GRIK5: variants seen among roughly 807,000 people sequenced by gnomAD.
GRIK5 encodes glutamate receptor ionotropic, kainate 5.
In GRIK5, 43 loss-of-function variants were observed where a neutral mutation model predicts 97.4. The ratio of observed to expected loss-of-function variants is 0.44; its 90% CI spans 0.35 to 0.57. GRIK5 has a LOEUF of 0.57. Ranked by LOEUF, GRIK5 falls within the 20% of genes least tolerant of loss-of-function variation. GRIK5 has a pLI of 0.01. For missense variants in GRIK5, 1,015 were observed against 1,382.0 expected (o/e 0.73, Z 4.21); for synonymous variants, 580 against 583.5 (o/e 0.99, Z 0.09).
intron 1 of GRIK5, among the ~76,000 whole-genome samples, chr19:42,067,009 G>A (rs1387238441): frequency 6.6e-6 from 1 of 152,190 alleles, no homozygotes; most frequent in Non-Finnish European, 1.5e-5. Context: ...TAAGGAGTCA[G>A]GGATTCCTCT....
chr19:41,999,074 C>T lies in GRIK5; in HGVS notation c.2740G>A (p.Gly914Arg). The T allele has an allele frequency of 7.7e-7, 1 of 1,299,106 alleles. No homozygotes were observed. Among genetic ancestry groups the T allele is most frequent in the Non-Finnish European group, 9.7e-7 (1 of 1,029,430 alleles). The allele number at this position is 1,299,106 out of a possible 1,614,324, so 80.5% of individuals were successfully genotyped here. A position where few individuals can be genotyped will look rare whatever the true frequency, so the allele number is the denominator to read the frequency against. The change falls in exon 20 of 20, where the codon GGG (glycine) becomes AGG (arginine). Residue 914 changes from glycine (G) to arginine (R), a missense_variant. Gly to Arg is a moderately radical substitution (Grantham distance 125). Transcript: ENST00000593562. The surrounding 1 kb of genome is among the most constrained non-coding windows in gnomAD (Gnocchi z 5.0). ...GCGGGTCGGGCTCCGCTGGGGGGCC[C>T]CGGGTCGTCCAGGAGGCGCTGCGGG... ...GGPQRLLDDP[G>R]PPSGARPAAP...
At chr19:42,049,116 A>C (rs1599823367) in intron 11 of GRIK5, among the ~76,000 whole-genome samples, 1 of 152,348 alleles carries the variant, frequency 6.6e-6, no homozygotes, top group Admixed American at 6.5e-5. Flanking sequence ...CATTAGGGAA[A>C]TGCAAATGAA....
chr19:42,027,432 C>A (rs1244610549), intron 12 of GRIK5, among the ~76,000 whole-genome samples: 4 of 152,188 alleles, frequency 2.6e-5, no homozygotes, highest in African/African-American at 9.7e-5. Context: ...AAGGCTGGAG[C>A]AGAATAGGAG....
chr19:42,012,150 CT>C (rs1442323337), intron 15 of GRIK5, among the ~76,000 whole-genome samples: 2 of 152,074 alleles, frequency 1.3e-5, no homozygotes, highest in Non-Finnish European at 2.9e-5. Context: ...GACCTGCTGT[CT>C]ATTTTTGTAC....
intron 12 of GRIK5, among the ~76,000 whole-genome samples, chr19:42,029,343 G>A (rs1336068237): frequency 6.6e-6 from 1 of 151,668 alleles, no homozygotes; most frequent in East Asian, 2.0e-4. Context: ...TGGGATTACA[G>A]GCGTGAGCCA....
rs2075425645 is a variant in GRIK5, at chr19:42,001,773, A to C, written c.2514+1559T>G. The C allele has an allele frequency of 1.2e-5, 3 of 245,252 alleles. No homozygotes were observed. In the South Asian group the frequency reaches 2.3e-4, roughly 19 times the overall value. 15.2% of individuals were successfully genotyped at this position (245,252 alleles called of 1,614,324 possible). A position where few individuals can be genotyped will look rare whatever the true frequency, so the allele number is the denominator to read the frequency against. On this transcript the variant is annotated intron_variant, in intron 19 of 19. Coordinates refer to ENST00000593562, the MANE Select transcript of GRIK5 (RefSeq NM_002088.5). ...TCTGGACCCACAGAAACTGTGAACC[A>C]ATGGAAGCTGGCTTTTTAAAAGCTG...
rs2075403697 is a variant in GRIK5 at position 41,999,080 on chromosome 19, C to A, written c.2734G>T (p.Asp912Tyr). ...CGGGCTCCGCTGGGGGGCCCCGGGT[C>A]GTCCAGGAGGCGCTGCGGGCCCCCG... ...AHGGPQRLLD[D>Y]PGPPSGARPA... Residue 912 changes from aspartate to tyrosine, a missense_variant, in exon 20 of 20, where the codon GAC (aspartate) becomes TAC (tyrosine). Asp to Tyr is a radical substitution (Grantham distance 160). Around this residue, in one of 5 missense-constraint regions of GRIK5, gnomAD observed 109 missense variants for 100.4 expected, o/e 1.09. Coordinates refer to ENST00000593562, the MANE Select transcript of GRIK5 (RefSeq NM_002088.5). The surrounding 1 kb of genome is among the most constrained non-coding windows in gnomAD (Gnocchi z 5.0). 5 of 1,305,028 alleles carry A rather than the reference C, an allele frequency of 3.8e-6. No homozygotes were observed. The highest frequency in any genetic ancestry group is 4.8e-6 in the Non-Finnish European group (5 of 1,032,796). 80.8% of individuals were successfully genotyped at this position (1,305,028 alleles called of 1,614,324 possible). A position where few individuals can be genotyped will look rare whatever the true frequency, so the allele number is the denominator to read the frequency against.
chr19:42,046,799 A>G (rs1328624705), intron 11 of GRIK5, among the ~76,000 whole-genome samples: 1 of 152,174 alleles, frequency 6.6e-6, no homozygotes, highest in East Asian at 1.9e-4. Context: ...CCAGGGAAGG[A>G]AGGAAACTGA....
At chr19:42,018,414 G>C (rs997978925) in intron 15 of GRIK5, among the ~76,000 whole-genome samples, 3 of 151,428 alleles carry the variant, frequency 2.0e-5, no homozygotes, top group Non-Finnish European at 1.5e-5. Context: ...CAGCACTTTG[G>C]GAGGCCGACC....
Position 42,002,422 on chromosome 19 carries a change from G to A in GRIK5, c.2514+910C>T. On this transcript the variant is annotated intron_variant, in intron 19 of 19. Transcript: ENST00000593562. The surrounding 1 kb of genome is among the most constrained non-coding windows in gnomAD (Gnocchi z 5.2). The stretch of plus-strand genomic sequence containing the variant: ...GAAAGGACAGACTTGCCGGAGGGAT[G>A]TCCTTGAGAAGGCAACCTGGACACG... 1.4e-6 allele frequency: 1 copy of A among 717,688 alleles called. No homozygotes were observed. The highest frequency in any genetic ancestry group is 1.7e-5 in the African/African-American group (1 of 57,386). 44.5% of individuals were successfully genotyped at this position (717,688 alleles called of 1,614,324 possible).
chr19:42,051,229 C>G (rs1312366248), intron 11 of GRIK5, among the ~76,000 whole-genome samples: 5 of 152,086 alleles, frequency 3.3e-5, no homozygotes, highest in Non-Finnish European at 7.4e-5. Flanking sequence ...TGCACAGCCT[C>G]AACTCCGTGG....
intron 12 of GRIK5, among the ~76,000 whole-genome samples, chr19:42,027,684 G>A (rs2075789174): frequency 6.6e-6 from 1 of 152,216 alleles, no homozygotes; most frequent in Non-Finnish European, 1.5e-5. Flanking sequence ...CACTGGTGGT[G>A]GAGAGAGACA....
Position 42,003,793 on chromosome 19 carries a change from C to T in GRIK5, c.2264-110G>A, listed in dbSNP as rs2075454570. The T allele has an allele frequency of 2.5e-6, 3 of 1,211,440 alleles. No homozygotes were observed. The highest frequency in any genetic ancestry group is 3.2e-5 in the South Asian group (2 of 61,844). 75.0% of individuals were successfully genotyped at this position (1,211,440 alleles called of 1,614,324 possible). ...GCCTTCCCCCGCCTCTACCACGTGC[C>T]CAGGGTCTTCCCTGCAGCCTCTCCT... On this transcript the variant is annotated intron_variant, in intron 17 of 19. Transcript: ENST00000593562. The surrounding 1 kb of genome is among the most constrained non-coding windows in gnomAD (Gnocchi z 4.2).
intron 8 of GRIK5, among the ~76,000 whole-genome samples, chr19:42,054,921 G>A (rs1291279310): frequency 6.6e-6 from 1 of 152,188 alleles, no homozygotes; most frequent in Admixed American, 6.5e-5. Flanking sequence ...AGAGGCAGGA[G>A]CATATAATGA....
Position 41,999,325 on chromosome 19 carries a change from T to G in GRIK5, c.2515-26A>C. The G allele has an allele frequency of 7.4e-6, 11 of 1,491,380 alleles. No homozygotes were observed. Among genetic ancestry groups the G allele is most frequent in the Non-Finnish European group, 8.9e-6 (10 of 1,126,422 alleles). 92.4% of individuals were successfully genotyped at this position (1,491,380 alleles called of 1,614,324 possible). On this transcript the variant is annotated intron_variant, in intron 19 of 19. Transcript: ENST00000593562. This position sits in a 1 kb window ranked among gnomAD's most constrained non-coding sequence, Gnocchi z 5.0. ...CTGGGGGTGGCGCGGGCGGTCACCG[T>G]CCCGGCGCAGTCCGCCTCCCGCCTC...
Position 42,050,674 on chromosome 19 carries a change from A to T in GRIK5, c.1269+2928T>A, listed in dbSNP as rs963017707. ...CTCTGTCTCAAAAAAAAAAAAAAAAAAATTAAAAAATAATAGAGGCAACGT... is the reference window on the plus strand; with the variant it reads ...CTCTGTCTCAAAAAAAAAAAAAAAATAATTAAAAAATAATAGAGGCAACGT... On this transcript the variant is annotated intron_variant, in intron 11 of 19. Transcript: ENST00000593562. Among the ~76,000 whole-genome samples, 41 of 151,960 alleles carry T rather than the reference A, an allele frequency of 2.7e-4. 1 individual carries two copies. The highest frequency in any genetic ancestry group is 1.5e-3 in the East Asian group (8 of 5,170).
In GRIK5 at chr19:42,065,282, C is replaced by G. The variant is rs760296333; in HGVS notation, c.185G>C (p.Arg62Pro). 1 of 1,613,270 alleles carries G rather than the reference C, an allele frequency of 6.2e-7. No homozygotes were observed. Residue 62 changes from arginine to proline, a missense_variant, in exon 3 of 20, where the codon CGA (arginine) becomes CCA (proline). Coordinates refer to ENST00000593562, the MANE Select transcript of GRIK5 (RefSeq NM_002088.5). This position sits in a 1 kb window ranked among gnomAD's most constrained non-coding sequence, Gnocchi z 5.8. Reference protein sequence around the residue: ...NGIIEVPAKARVEVDIFELQR... With the variant: ...NGIIEVPAKAPVEVDIFELQR... ...CAGCTCAAAGATGTCTACTTCCACT[C>G]GGGCCTTGGCTGGGACCTCGATGAT... is the stretch of plus-strand genomic sequence containing the variant.
chr19:42,058,563 C>G (rs1471244142), intron 6 of GRIK5, among the ~76,000 whole-genome samples: 1 of 148,668 alleles, frequency 6.7e-6, no homozygotes, highest in African/African-American at 2.5e-5. Flanking sequence ...TGTGGTGGCT[C>G]ACGCCTGTAA....
Position 42,003,499 on chromosome 19 carries a change from T to C in GRIK5, c.2393-46A>G, listed in dbSNP as rs2075449128. On this transcript the variant is annotated intron_variant, in intron 18 of 19. Transcript: ENST00000593562. The surrounding 1 kb of genome is among the most constrained non-coding windows in gnomAD (Gnocchi z 4.2). Reference sequence around the variant, plus strand: ...GGGGGCAAAGGGAGTTGGGGCTGTGTGGGAAGGGGGCTGGGAGGGGGCTAT... The same window carrying C: ...GGGGGCAAAGGGAGTTGGGGCTGTGCGGGAAGGGGGCTGGGAGGGGGCTAT... 6.4e-7 allele frequency: 1 copy of C among 1,555,566 alleles called. No individual in the cohort carries two copies. The highest frequency in any genetic ancestry group is 8.7e-7 in the Non-Finnish European group (1 of 1,144,170).
Sources: allele counts gnomAD v4.1 joint callset (sites outside exome capture counted in the v4.1 genomes callset), GRCh38; gene constraint gnomAD v4.1.1; regional missense constraint gnomAD v4.1.1; non-coding constraint Gnocchi (gnomAD v3.1); transcripts MANE v1.5; gene names NCBI Gene and HGNC (gene_info 2026-07-23, HGNC 2026-07-21).